Variants in NRXN3 observed in about 807,000 individuals in gnomAD.
NRXN3 encodes the protein neurexin 3.
Under a neutral mutation model 137.6 loss-of-function variants are expected in NRXN3, and 32 were observed. The observed-to-expected ratio is 0.23, with a 90% CI of 0.18 to 0.31. The LOEUF is 0.31. NRXN3 is among the 10% of genes least tolerant of loss of function. The probability of loss-of-function intolerance (pLI) is 1.00; values close to 1 mark genes in which losing one functional copy is unlikely to be tolerated. For missense variants in NRXN3, 1,574 were observed against 2,062.5 expected, an observed-to-expected ratio of 0.76 and a Z score of 4.59; for synonymous variants, 798 against 784.5, an observed-to-expected ratio of 1.02 and a Z score of -0.29.
intron 16 of NRXN3, among the ~76,000 whole-genome samples, chr14:79,548,589 C>T (rs892060422): frequency 1.3e-5 from 2 of 151,944 alleles, no homozygotes; most frequent in African/African-American, 2.4e-5. Flanking sequence ...GCATTTCTAA[C>T]CACCCTTTCC....
intron 15 of NRXN3, among the ~76,000 whole-genome samples, chr14:79,184,891 G>A (rs1429546154): frequency 2.6e-5 from 4 of 151,966 alleles, no homozygotes; most frequent in Admixed American, 6.6e-5. Context: ...AATAGTTAAG[G>A]GTACTGCACA....
intron 4 of NRXN3, among the ~76,000 whole-genome samples, chr14:78,376,339 A>G (rs1407114429): frequency 6.6e-6 from 1 of 152,210 alleles, no homozygotes; most frequent in Non-Finnish European, 1.5e-5. Context: ...GCATAATGCA[A>G]ACCCACTGTT....
intron 4 of NRXN3, among the ~76,000 whole-genome samples, chr14:78,531,344 G>T (rs994560296): frequency 3.9e-5 from 6 of 152,188 alleles, no homozygotes; most frequent in African/African-American, 1.4e-4. Context: ...TCTTCTCAGT[G>T]TCTAATTGCT....
At chr14:78,661,874 T>G (rs1166458413) in intron 6 of NRXN3, among the ~76,000 whole-genome samples, 1 of 151,924 alleles carries the variant, frequency 6.6e-6, no homozygotes, top group Non-Finnish European at 1.5e-5. Flanking sequence ...ATGTTATTTA[T>G]TTTTTTTCTG....
intron 16 of NRXN3, among the ~76,000 whole-genome samples, chr14:79,618,953 C>G (rs1489545232): frequency 4.6e-5 from 7 of 152,018 alleles, no homozygotes; most frequent in African/African-American, 1.7e-4. Flanking sequence ...ATTTCTCTAA[C>G]TAGTGATATT....
intron 10 of NRXN3, among the ~76,000 whole-genome samples, chr14:78,875,273 C>T (rs942209895): frequency 6.6e-6 from 1 of 152,186 alleles, no homozygotes; most frequent in African/African-American, 2.4e-5. Flanking sequence ...ACGCTGCAAA[C>T]TTGCTAATTA....
chr14:78,213,757 A>G (rs2142151), intron 1 of NRXN3, among the ~76,000 whole-genome samples: 75,415 of 151,928 alleles, frequency 0.5, 19,348 homozygotes, highest in African/African-American at 0.6. Flanking sequence ...TTCCATGGCT[A>G]CCCTCATAGG....
intron 20 of NRXN3, among the ~76,000 whole-genome samples, chr14:79,808,434 A>G (rs550751836): frequency 5.8e-4 from 88 of 152,164 alleles, no homozygotes; most frequent in African/African-American, 1.9e-3. Context: ...CATCTTTGAC[A>G]TAAATTGCCA....
chr14:78,411,463 C>T (rs2092824991), intron 4 of NRXN3, among the ~76,000 whole-genome samples: 1 of 152,178 alleles, frequency 6.6e-6, no homozygotes, highest in Non-Finnish European at 1.5e-5. Flanking sequence ...TCTCTGACCT[C>T]AGTGTCCTGA....
chr14:79,511,166 T>C (rs968203039), intron 16 of NRXN3, among the ~76,000 whole-genome samples: 2 of 152,206 alleles, frequency 1.3e-5, no homozygotes, highest in African/African-American at 2.4e-5. Context: ...TTACCTCCCT[T>C]GGCAGTCTGA....
intron 15 of NRXN3, among the ~76,000 whole-genome samples, chr14:79,069,669 A>G (rs1385041819): frequency 6.6e-6 from 1 of 151,994 alleles, no homozygotes; most frequent in Non-Finnish European, 1.5e-5. Context: ...ACTTCCAGAA[A>G]CTTTCTCTTG....
At chr14:79,716,317 C>T (rs768791834) in intron 19 of NRXN3, among the ~76,000 whole-genome samples, 8 of 152,164 alleles carry the variant, frequency 5.3e-5, no homozygotes, top group Non-Finnish European at 8.8e-5. Flanking sequence ...GTACATGAAA[C>T]TATGCTTGCT....
At chr14:79,257,427 G>A (rs973917912) in intron 15 of NRXN3, among the ~76,000 whole-genome samples, 11 of 51,922 alleles carry the variant, frequency 2.1e-4, no homozygotes, top group African/African-American at 5.3e-4. Flanking sequence ...GGTGGTGATG[G>A]TGGTGGTGGT....
chr14:79,320,573 G>C (rs991811211), intron 15 of NRXN3, among the ~76,000 whole-genome samples: 1 of 152,160 alleles, frequency 6.6e-6, no homozygotes, highest in East Asian at 1.9e-4. Context: ...ATAGGCCTTT[G>C]GGAATAATTC....
At chr14:78,656,128 A>G (rs529900265) in intron 6 of NRXN3, among the ~76,000 whole-genome samples, 6 of 152,072 alleles carry the variant, frequency 3.9e-5, no homozygotes, top group African/African-American at 7.2e-5. Flanking sequence ...TATCCCCCAA[A>G]CCTATAATAT....
At chr14:78,497,256 C>T (rs1452308825) in intron 4 of NRXN3, among the ~76,000 whole-genome samples, 5 of 152,258 alleles carry the variant, frequency 3.3e-5, no homozygotes, top group South Asian at 4.1e-4. Context: ...TTTTGATTAA[C>T]TTTGTCATTA....
At chr14:78,268,332 TG>T (rs1351660208) in intron 2 of NRXN3, among the ~76,000 whole-genome samples, 1 of 152,198 alleles carries the variant, frequency 6.6e-6, no homozygotes, top group Non-Finnish European at 1.5e-5. Context: ...GATGTTGTGA[TG>T]TTGTATTTTT....
intron 19 of NRXN3, among the ~76,000 whole-genome samples, chr14:79,800,590 A>G (rs145265684): frequency 5.0e-4 from 76 of 152,342 alleles, no homozygotes; most frequent in African/African-American, 1.8e-3. Flanking sequence ...AAAGGCAGAG[A>G]TCCACCAATT....
intron 4 of NRXN3, among the ~76,000 whole-genome samples, chr14:78,409,340 A>G (rs970008487): frequency 1.3e-5 from 2 of 152,220 alleles, no homozygotes; most frequent in Non-Finnish European, 2.9e-5. Context: ...AAACTGGGAC[A>G]CTGTCTTGTT....
Sources: allele counts gnomAD v4.1 joint callset (sites outside exome capture counted in the v4.1 genomes callset), GRCh38; gene constraint gnomAD v4.1.1; transcripts MANE v1.5; gene names NCBI Gene and HGNC (gene_info 2026-07-23, HGNC 2026-07-21).